The following CAP2 variants were observed in gnomAD, a reference collection of about 807,000 sequenced individuals.
The protein encoded by CAP2 is cyclase associated actin cytoskeleton regulatory protein 2.
Under a neutral mutation model 57.7 loss-of-function variants are expected in CAP2, and 24 were observed. The observed-to-expected ratio is 0.42, with a 90% CI of 0.30 to 0.58. The LOEUF (loss-of-function observed/expected upper bound fraction) is 0.58. CAP2 is among the 20% of genes least tolerant of loss of function. The pLI is 0.22. For synonymous variants in CAP2, 194 were observed against 207.2 expected (o/e 0.94, Z 0.55); for missense variants, 501 against 590.3 (o/e 0.85, Z 1.57).
intron 11 of CAP2, among the ~76,000 whole-genome samples, chr6:17,545,781 GA>G (rs1277658772): frequency 6.6e-6 from 1 of 152,106 alleles, no homozygotes; most frequent in East Asian, 1.9e-4. Context: ...CTATGAGTGA[GA>G]ACATGCGGTG....
At chr6:17,507,009 A>C (rs1762004388) in intron 4 of CAP2, among the ~76,000 whole-genome samples, 160 bp from the exon 5 acceptor site, 1 of 152,212 alleles carries the variant, frequency 6.6e-6, no homozygotes. Context: ...TACCATAACC[A>C]AGAACAAATG....
rs1761771677 is a variant in CAP2, at chr6:17,500,256, T to G, written c.301-6913T>G. On this transcript the variant is annotated intron_variant, in intron 4 of 12. Transcript: ENST00000229922. ...TTAACTCAGTTGAACATTTCTGATT[T>G]GTAAAAAATTGCTGCTGACTTTAAA... 2.0e-5 allele frequency among the ~76,000 whole-genome samples: 3 copies of G among 147,658 alleles called. No individual in the cohort carries two copies. In the South Asian group the frequency reaches 6.4e-4, roughly 32 times the overall value.
At chr6:17,542,155 A>G (rs1003233945) in intron 9 of CAP2, among the ~76,000 whole-genome samples, 21 of 152,100 alleles carry the variant, frequency 1.4e-4, no homozygotes, top group African/African-American at 4.8e-4. Context: ...CTATGAATTT[A>G]GCTATTCTTT....
intron 3 of CAP2, among the ~76,000 whole-genome samples, chr6:17,444,570 G>A (rs889972629): frequency 1.3e-5 from 2 of 150,800 alleles, no homozygotes; most frequent in East Asian, 3.9e-4. Flanking sequence ...GATTCCGGAA[G>A]GCAGAGGTTG....
chr6:17,529,247 A>G (rs981405330), intron 7 of CAP2, among the ~76,000 whole-genome samples: 2 of 152,236 alleles, frequency 1.3e-5, no homozygotes, highest in Non-Finnish European at 2.9e-5. Flanking sequence ...GCAAGTTATT[A>G]TGGAAATTAA....
intron 2 of CAP2, among the ~76,000 whole-genome samples, chr6:17,425,012 A>G (rs1204379599): frequency 6.6e-6 from 1 of 152,190 alleles, no homozygotes; most frequent in Non-Finnish European, 1.5e-5. Flanking sequence ...CTTTAAGATA[A>G]CTCAGCTTCA....
intron 3 of CAP2, among the ~76,000 whole-genome samples, chr6:17,456,442 A>G (rs575736851): frequency 6.6e-6 from 1 of 152,260 alleles, no homozygotes; most frequent in Non-Finnish European, 1.5e-5. Flanking sequence ...TTTGGGGCTC[A>G]TTTCTTGTCT....
rs1336924695 is a variant in CAP2 at position 17,541,061 on chromosome 6, T to C, written c.915T>C (p.Ser305=). The stretch of plus-strand genomic sequence containing the variant: ...GGCAAACTCAATCTCCCACCAAAAG[T>C]CACACTCCAAGTCCCACATCTCCTA... ...QGGQTQSPTK[S]HTPSPTSPKS... The change falls in exon 9 of 13, where the codon AGT becomes AGC. Residue 305 remains serine (S), a synonymous_variant. Coordinates refer to ENST00000229922, the MANE Select transcript of CAP2 (RefSeq NM_006366.3). The C allele has an allele frequency of 6.2e-7, 1 of 1,614,046 alleles. No homozygotes were observed. Among genetic ancestry groups the C allele is most frequent in the African/African-American group, 1.3e-5 (1 of 75,008 alleles).
At chr6:17,547,715 C>T (rs1581614164) in intron 11 of CAP2, among the ~76,000 whole-genome samples, 2 of 151,878 alleles carry the variant, frequency 1.3e-5, no homozygotes, top group South Asian at 4.2e-4. Context: ...GTGGCGGGTG[C>T]CCATAGTCCC....
intron 4 of CAP2, among the ~76,000 whole-genome samples, chr6:17,467,433 G>A (rs888341079): frequency 6.6e-6 from 1 of 152,170 alleles, no homozygotes; most frequent in Non-Finnish European, 1.5e-5. Flanking sequence ...ATACAGGCAT[G>A]CTATACATAA....
chr6:17,518,280 A>G (rs540845307), intron 7 of CAP2, among the ~76,000 whole-genome samples: 1 of 152,308 alleles, frequency 6.6e-6, no homozygotes, highest in South Asian at 2.1e-4. Flanking sequence ...TTAAAATCAA[A>G]TTTCTTTTAA....
rs953824602 is a variant in CAP2, at chr6:17,557,089, A to G, written c.*647A>G. 10 of 152,252 alleles carry G rather than the reference A, an allele frequency of 6.6e-5. No homozygotes were observed. The highest frequency in any genetic ancestry group is 3.4e-3 in the Middle Eastern group (1 of 294). The allele number at this position is 152,252 out of a possible 1,614,324, so 9.4% of individuals were successfully genotyped here. A position where few individuals can be genotyped will look rare whatever the true frequency, so the allele number is the denominator to read the frequency against. On this transcript the variant is annotated 3_prime_UTR_variant, in exon 13 of 13. Coordinates refer to ENST00000229922, the MANE Select transcript of CAP2 (RefSeq NM_006366.3). ...TCAATTCTAATTATTCATCTTACAT[A>G]TTTTTCCACCATGTCATTTGAAAAC...
chr6:17,396,424 A>G (rs148683275), intron 1 of CAP2, among the ~76,000 whole-genome samples: 1,680 of 152,344 alleles, frequency 0.011, 28 homozygotes, highest in African/African-American at 0.038. Flanking sequence ...TGAGTGGATA[A>G]ATAAAAGGTG....
chr6:17,529,841 G>T (rs1461318161), intron 7 of CAP2, among the ~76,000 whole-genome samples: 2 of 151,592 alleles, frequency 1.3e-5, no homozygotes, highest in Non-Finnish European at 2.9e-5. Flanking sequence ...ATTACACAAG[G>T]CCATTTGGGA....
chr6:17,413,352 A>G (rs1172989390), intron 1 of CAP2, among the ~76,000 whole-genome samples: 1 of 152,214 alleles, frequency 6.6e-6, no homozygotes, highest in Non-Finnish European at 1.5e-5. Context: ...TTTGGCGAGA[A>G]GCTGGCTCCA....
chr6:17,474,183 GTCTTTTTTTTTT>G (rs1408180899), intron 4 of CAP2, among the ~76,000 whole-genome samples: 118 of 104,734 alleles, frequency 1.1e-3, no homozygotes, highest in African/African-American at 4.1e-3. Context: ...GAAAAAAACA[GTCTTTTTTTTTT>G]TTTTTTTTTT....
Position 17,469,406 on chromosome 6 carries a change from C to G in CAP2, c.300+6333C>G, listed in dbSNP as rs1352813017. On this transcript the variant is annotated intron_variant, in intron 4 of 12. Transcript: ENST00000229922. ...AAATGATCTCTGTGTGTGTGTGTGT[C>G]TGTGTGTGTCTGTGTGTGTGTGTGT... Among the ~76,000 whole-genome samples, 4 of 151,054 alleles carry G rather than the reference C, an allele frequency of 2.6e-5. No homozygotes were observed. In the East Asian group the frequency reaches 5.9e-4, roughly 22 times the overall value.
intron 2 of CAP2, among the ~76,000 whole-genome samples, chr6:17,424,086 A>T (rs1373125300): frequency 2.0e-5 from 3 of 151,860 alleles, no homozygotes; most frequent in African/African-American, 7.3e-5. Context: ...TTTTTTTTTT[A>T]ATTTTAAAAG....
intron 3 of CAP2, among the ~76,000 whole-genome samples, chr6:17,441,296 G>T (rs1214172401): frequency 6.6e-6 from 1 of 151,596 alleles, no homozygotes; most frequent in South Asian, 2.1e-4. Context: ...GAAATTTTCT[G>T]AGTTATGTAA....
Sources: gnomAD v4.1 joint callset for allele counts (sites outside exome capture counted in the v4.1 genomes callset) on GRCh38, gnomAD v4.1.1 for gene constraint, MANE v1.5 for transcripts, NCBI Gene and HGNC (gene_info 2026-07-23, HGNC 2026-07-21) for gene names.